The following WDR88 variants were observed in gnomAD, a reference collection of about 807,000 sequenced individuals.
WDR88 encodes WD repeat-containing protein 88.
In WDR88, 40 loss-of-function variants were observed where a neutral mutation model predicts 46.8. The observed-to-expected ratio is 0.86, with a 90% confidence interval of 0.66 to 1.11. The LOEUF (loss-of-function observed/expected upper bound fraction) is 1.11, where lower values mean the gene tolerates loss of function less well. Among genes scored for constraint, WDR88 ranks in the 50% most tolerant of loss-of-function variants. The pLI is 0.00. For synonymous variants in WDR88, 235 were observed against 240.7 expected (o/e 0.98, Z 0.22); for missense variants, 562 against 602.4 (o/e 0.93, Z 0.70).
intron 5 of WDR88, 112 bp downstream of exon 5, chr19:33,149,022 G>A (rs1973577678): frequency 4.0e-6 from 6 of 1,492,756 alleles, no homozygotes; most frequent in Admixed American, 4.1e-5. Flanking sequence ...ATGGTATGAA[G>A]CACGTCATTA....
chr19:33,162,067 A>T (rs1054168024), intron 8 of WDR88, among the ~76,000 whole-genome samples: 1 of 152,062 alleles, frequency 6.6e-6, no homozygotes, highest in Non-Finnish European at 1.5e-5. Context: ...TTTTTCTCTA[A>T]CCACACTATG....
chr19:33,134,168 C>T (rs1973200825), intron 1 of WDR88, among the ~76,000 whole-genome samples: 1 of 152,178 alleles, frequency 6.6e-6, no homozygotes, highest in Non-Finnish European at 1.5e-5. Flanking sequence ...CCCTGGGACC[C>T]CTTTACCTAG....
At chr19:33,165,136 A>G (rs1338689397) in intron 9 of WDR88, among the ~76,000 whole-genome samples, 1 of 152,162 alleles carries the variant, frequency 6.6e-6, no homozygotes, top group Non-Finnish European at 1.5e-5. Context: ...TGGTAAAGCT[A>G]GTGACAGGGA....
intron 9 of WDR88, among the ~76,000 whole-genome samples, chr19:33,169,241 A>G (rs1188219467): frequency 1.3e-5 from 2 of 152,234 alleles, no homozygotes; most frequent in Non-Finnish European, 2.9e-5. Context: ...CAGACAAACT[A>G]AACTTCGTTG....
intron 10 of WDR88, chr19:33,174,219 G>A (rs558413556): frequency 4.6e-6 from 7 of 1,536,412 alleles, no homozygotes; most frequent in East Asian, 2.4e-5. Flanking sequence ...AAGCAAGGAT[G>A]AGCCTGCTGC....
chr19:33,145,273 C>A (rs1400759806), intron 3 of WDR88, among the ~76,000 whole-genome samples: 1 of 151,722 alleles, frequency 6.6e-6, no homozygotes, highest in African/African-American at 2.4e-5. Flanking sequence ...CTTGCCTCAG[C>A]CTCCTGAGTA....
Position 33,132,213 on chromosome 19 carries a change from A to C in WDR88, c.44A>C (p.Glu15Ala), listed in dbSNP as rs765750241. The C allele has an allele frequency of 2.4e-5, 39 of 1,608,698 alleles. No individual in the cohort carries two copies. Among genetic ancestry groups the C allele is most frequent in the Non-Finnish European group, 3.2e-5 (38 of 1,179,644 alleles). Residue 15 changes from glutamate to alanine, a missense_variant, in exon 1 of 11, where the codon GAA (glutamate) becomes GCA (alanine). Coordinates refer to ENST00000355868, the MANE Select transcript of WDR88 (RefSeq NM_173479.4). ...TGCTCCCCGACAGCCCATGACAGGG[A>C]ATGCAAGTTGCCGCCACCCTCCGCC... is the stretch of plus-strand genomic sequence containing the variant. ...PRCSPTAHDR[E>A]CKLPPPSAPA... is the part of the protein sequence containing the mutation.
In WDR88 at chr19:33,132,441, C is replaced by G; in HGVS notation, c.272C>G (p.Ser91Cys). The G allele has an allele frequency of 6.2e-7, 1 of 1,613,634 alleles. No individual in the cohort carries two copies. Among genetic ancestry groups the G allele is most frequent in the Non-Finnish European group, 8.5e-7 (1 of 1,179,804 alleles). Reference protein sequence around the residue: ...KLIWGDQDPLSKIPFKILSGH... With the variant: ...KLIWGDQDPLCKIPFKILSGH... ...ATCTGGGGCGACCAGGACCCTCTCT[C>G]CAAGGTCAGAACCGCCGCTGGGGTG... The change falls in exon 1 of 11, where the codon TCC becomes TGC. Residue 91 changes from serine to cysteine, a missense_variant. Ser to Cys is a moderately radical substitution (Grantham distance 112). Coordinates refer to ENST00000355868, the MANE Select transcript of WDR88 (RefSeq NM_173479.4).
At chr19:33,142,851 CAAAAAAAAAAAAA>C (rs74174644) in intron 2 of WDR88, 5 of 19,532 alleles carry the variant, frequency 2.6e-4, no homozygotes, top group South Asian at 4.2e-3. Flanking sequence ...ACTAAAAATA[CAAAAAAAAAAAAA>C]AAAAAAAAAA....
intron 10 of WDR88, chr19:33,174,372 A>G: frequency 7.0e-7 from 1 of 1,431,762 alleles, no homozygotes; most frequent in Non-Finnish European, 9.2e-7. Context: ...GGGCTGGGAG[A>G]GCCAGGGCAG....
chr19:33,145,006 ATTTTTG>A lies in WDR88; in HGVS notation c.476+85_476+90del, dbSNP rs993308277. ...TGCCATAAATAGGTATGCCTGTGAC[ATTTTTG>A]TTTTTGTTTTAAGTAATAGATATGG... On this transcript the variant is annotated intron_variant, in intron 3 of 10. Transcript: ENST00000355868. 4 of 1,428,254 alleles carry A rather than the reference ATTTTTG, an allele frequency of 2.8e-6. No homozygotes were observed. In the African/African-American group the frequency reaches 5.7e-5, roughly 20 times the overall value. 88.5% of individuals were successfully genotyped at this position (1,428,254 alleles called of 1,614,324 possible).
intron 9 of WDR88, among the ~76,000 whole-genome samples, chr19:33,167,295 A>AG (rs1038595808): frequency 2.0e-5 from 3 of 152,200 alleles, no homozygotes; most frequent in Non-Finnish European, 4.4e-5. Context: ...AATAGAACAA[A>AG]GGGAAAAAAA....
chr19:33,157,834 AG>A (rs1299357874), intron 7 of WDR88, among the ~76,000 whole-genome samples: 1 of 150,768 alleles, frequency 6.6e-6, no homozygotes, highest in Non-Finnish European at 1.5e-5. Flanking sequence ...TGATGGTGCC[AG>A]AACAAGTCCC....
intron 10 of WDR88, 130 bp downstream of exon 10, chr19:33,172,570 C>A: frequency 1.4e-6 from 1 of 710,790 alleles, no homozygotes. Flanking sequence ...ATTTTTGCCC[C>A]AGGGGAGCTT....
chr19:33,137,188 G>T (rs1973285850), intron 1 of WDR88, among the ~76,000 whole-genome samples: 1 of 150,736 alleles, frequency 6.6e-6, no homozygotes, highest in Admixed American at 6.7e-5. Context: ...CTAGGCTCAA[G>T]CAGTCCTCCT....
Position 33,174,650 on chromosome 19 carries a change from G to A in WDR88, c.1243-746G>A, listed in dbSNP as rs74990914. Reference sequence around the variant, plus strand: ...TTGTTCAGAAATCTTGCCTACTTGCGTCTCATGGTTCTGTAAAAGTTGGGT... The same window carrying A: ...TTGTTCAGAAATCTTGCCTACTTGCATCTCATGGTTCTGTAAAAGTTGGGT... On this transcript the variant is annotated intron_variant, in intron 10 of 10. Transcript: ENST00000355868. 1.1e-3 allele frequency: 1,049 copies of A among 985,396 alleles called. 8 individuals carry two copies. In the African/African-American group the frequency reaches 0.016, roughly 15 times the overall value. The allele number at this position is 985,396 out of a possible 1,614,324, so 61.0% of individuals were successfully genotyped here.
chr19:33,155,815 A>G (rs1225097195), intron 6 of WDR88, among the ~76,000 whole-genome samples: 2 of 152,200 alleles, frequency 1.3e-5, no homozygotes, highest in African/African-American at 4.8e-5. Context: ...TTTTGTTGTC[A>G]CAACTGGGTG....
intron 1 of WDR88, among the ~76,000 whole-genome samples, chr19:33,135,479 C>A (rs772822141): frequency 6.6e-6 from 1 of 152,148 alleles, no homozygotes; most frequent in Admixed American, 6.5e-5. Context: ...AGTGCAGTGG[C>A]GTGATCTTGG....
chr19:33,142,677 A>T (rs1973421303), intron 2 of WDR88: 1 of 151,728 alleles, frequency 6.6e-6, no homozygotes, highest in African/African-American at 2.4e-5. Context: ...TGGCCAACAC[A>T]GACAGCAGTC....
Sources: allele counts gnomAD v4.1 joint callset (sites outside exome capture counted in the v4.1 genomes callset), GRCh38; gene constraint gnomAD v4.1.1; transcripts MANE v1.5; gene names NCBI Gene and HGNC (gene_info 2026-07-23, HGNC 2026-07-21).